MACROD2: variants seen among roughly 807,000 people sequenced by gnomAD.
MACROD2 encodes mono-ADP ribosylhydrolase 2.
A neutral mutation model predicts 70.4 loss-of-function variants in MACROD2; 36 were observed. That is an observed-to-expected ratio of 0.51 (90% CI 0.39 to 0.68). MACROD2 has a LOEUF of 0.68. Among genes scored for constraint, MACROD2 ranks in the 30% least tolerant of loss-of-function variants. MACROD2 has a pLI of 0.00. For synonymous variants in MACROD2, 172 were observed against 178.8 expected (o/e 0.96, Z 0.30); for missense variants, 496 against 538.4 (o/e 0.92, Z 0.78).
rs753824499 is a variant in MACROD2, at chr20:14,063,539, C to T, written c.164-22082C>T. Among the ~76,000 whole-genome samples the T allele has an allele frequency of 5.3e-5, 8 of 152,046 alleles. No individual in the cohort carries two copies. The East Asian group carries it at 7.7e-4, about 15-fold the overall frequency. On this transcript the variant is annotated intron_variant, in intron 2 of 17. Transcript: ENST00000684519. ...TGAAACTTTTTGAGGGGTGATGTGA[C>T]GCCACAAGTAAAAATTCTACACGTA...
At chr20:14,011,018 C>T (rs2052895844) in intron 2 of MACROD2, among the ~76,000 whole-genome samples, 1 of 152,144 alleles carries the variant, frequency 6.6e-6, no homozygotes, top group African/African-American at 2.4e-5. Flanking sequence ...TCTTTCATAG[C>T]ATTCACAGTC....
chr20:14,454,418 GT>G (rs56799693), intron 3 of MACROD2, among the ~76,000 whole-genome samples: 28 of 145,742 alleles, frequency 1.9e-4, no homozygotes, highest in Middle Eastern at 3.5e-3. Flanking sequence ...TTCCACATGA[GT>G]TTTTTTTTTT....
chr20:16,008,474 A>C (rs2066819360), intron 15 of MACROD2, among the ~76,000 whole-genome samples: 1 of 152,186 alleles, frequency 6.6e-6, no homozygotes, highest in Admixed American at 6.5e-5. Flanking sequence ...TCCCTGGGTG[A>C]GGTGAAGAAG....
intron 6 of MACROD2, among the ~76,000 whole-genome samples, chr20:15,234,009 A>ATATTTTTTT (rs1555795277): frequency 5.0e-5 from 2 of 39,996 alleles, no homozygotes; most frequent in Non-Finnish European, 9.4e-5. Flanking sequence ...ATATATATAT[A>ATATTTTTTT]TTCTTTTTTT....
intron 3 of MACROD2, among the ~76,000 whole-genome samples, chr20:14,109,101 A>T (rs1025689701): frequency 5.9e-5 from 9 of 152,064 alleles, no homozygotes; most frequent in Non-Finnish European, 1.5e-5. Context: ...CTAGAAATCA[A>T]CAACAAGAAG....
intron 8 of MACROD2, among the ~76,000 whole-genome samples, chr20:15,640,427 T>C (rs1260326896): frequency 6.6e-6 from 1 of 152,104 alleles, no homozygotes; most frequent in Admixed American, 6.5e-5. Flanking sequence ...CCAAACGTGA[T>C]GCTTGGGTGG....
chr20:15,125,407 A>G (rs553091756), intron 5 of MACROD2, among the ~76,000 whole-genome samples: 1 of 152,134 alleles, frequency 6.6e-6, no homozygotes, highest in Admixed American at 6.6e-5. Flanking sequence ...GTAGGGGTTA[A>G]GATGAAGATT....
At chr20:14,072,661 C>T (rs1009182840) in intron 2 of MACROD2, among the ~76,000 whole-genome samples, 19 of 152,206 alleles carry the variant, frequency 1.2e-4, no homozygotes, top group African/African-American at 4.1e-4. Flanking sequence ...ATTGGCCAGG[C>T]GCAGTGGCTC....
At chr20:15,168,535 T>C (rs1220083285) in intron 5 of MACROD2, among the ~76,000 whole-genome samples, 1 of 150,612 alleles carries the variant, frequency 6.6e-6, no homozygotes, top group Non-Finnish European at 1.5e-5. Flanking sequence ...AAAGATGGAA[T>C]TGAAAGCAGG....
At chr20:15,191,945 GTTA>G (rs2076574179) in intron 5 of MACROD2, among the ~76,000 whole-genome samples, 1 of 132,088 alleles carries the variant, frequency 7.6e-6, no homozygotes, top group African/African-American at 2.8e-5. Flanking sequence ...GAGAGAGAGA[GTTA>G]ATACATATAT....
chr20:15,835,894 A>G (rs929276063), intron 8 of MACROD2, among the ~76,000 whole-genome samples: 3 of 152,204 alleles, frequency 2.0e-5, no homozygotes, highest in African/African-American at 4.8e-5. Flanking sequence ...TGAAACCTGT[A>G]AAGTTGCTTG....
Position 15,102,372 on chromosome 20 carries a change from A to G in MACROD2, c.419-127568A>G, listed in dbSNP as rs539691537. 9.1e-4 allele frequency among the ~76,000 whole-genome samples: 138 copies of G among 152,178 alleles called. 1 individual carries two copies. The highest frequency in any genetic ancestry group is 1.8e-3 in the Non-Finnish European group (119 of 67,936). ...TTAACTAGTAGAAATCTTTTAGAGTATAATTTAATAATGTCCAGTAAATTT... is the reference window on the plus strand; with the variant it reads ...TTAACTAGTAGAAATCTTTTAGAGTGTAATTTAATAATGTCCAGTAAATTT... On this transcript the variant is annotated intron_variant, in intron 5 of 17. Coordinates refer to ENST00000684519, the MANE Select transcript of MACROD2 (RefSeq NM_001351661.2).
At chr20:15,987,262 AG>A in intron 15 of MACROD2, 104 bp downstream of exon 15, 1 of 936,708 alleles carries the variant, frequency 1.1e-6, no homozygotes, top group Non-Finnish European at 1.6e-6. Flanking sequence ...CAGTTTGTAA[AG>A]GGGGAAAACG....
chr20:14,133,743 C>T (rs185718568), intron 3 of MACROD2, among the ~76,000 whole-genome samples: 1 of 152,286 alleles, frequency 6.6e-6, no homozygotes, highest in Non-Finnish European at 1.5e-5. Flanking sequence ...CTGTATTTTG[C>T]ATACTGTGGT....
In MACROD2 at chr20:15,900,895, G is replaced by T. The variant is rs180879238; in HGVS notation, c.775+15084G>T. 9.9e-5 allele frequency among the ~76,000 whole-genome samples: 15 copies of T among 152,244 alleles called. No homozygotes were observed. The East Asian group carries it at 2.9e-3, about 29-fold the overall frequency. ...AATGGACAGAAGGGAAACTGATCTT[G>T]CAGGACTGCAGGGCAATTTAAATAA... is the stretch of plus-strand genomic sequence containing the variant. On this transcript the variant is annotated intron_variant, in intron 10 of 17. Transcript: ENST00000684519.
intron 5 of MACROD2, among the ~76,000 whole-genome samples, chr20:15,103,253 G>A (rs2075887000): frequency 6.6e-6 from 1 of 152,130 alleles, no homozygotes; most frequent in South Asian, 2.1e-4. Context: ...ACCAGTCTCA[G>A]TAGGTTTTCT....
chr20:14,051,692 A>G (rs969838608), intron 2 of MACROD2: 5 of 348,104 alleles, frequency 1.4e-5, no homozygotes, highest in Admixed American at 8.1e-5. Flanking sequence ...GTAAAGAGAA[A>G]AAACAAAGAG....
At chr20:14,645,482 T>G (rs1456097923) in intron 4 of MACROD2, among the ~76,000 whole-genome samples, 2 of 152,052 alleles carry the variant, frequency 1.3e-5, no homozygotes, top group East Asian at 3.8e-4. Flanking sequence ...GTAATATGTG[T>G]TTGCTTTTTC....
intron 3 of MACROD2, among the ~76,000 whole-genome samples, chr20:14,225,933 G>GTT: frequency 6.6e-6 from 1 of 152,290 alleles, no homozygotes; most frequent in South Asian, 2.1e-4. Flanking sequence ...AATGGTGGCT[G>GTT]TAACTTCTTA....
Sources: allele counts gnomAD v4.1 joint callset (sites outside exome capture counted in the v4.1 genomes callset), GRCh38; gene constraint gnomAD v4.1.1; transcripts MANE v1.5; gene names NCBI Gene and HGNC (gene_info 2026-07-23, HGNC 2026-07-21).